The following CACNB2 variants were observed in gnomAD, a reference collection of about 807,000 sequenced individuals.
CACNB2 encodes calcium voltage-gated channel auxiliary subunit beta 2.
Under a neutral mutation model 73.3 loss-of-function variants are expected in CACNB2, and 42 were observed. That is an observed-to-expected ratio of 0.57 (90% CI 0.45 to 0.74). The LOEUF (loss-of-function observed/expected upper bound fraction) is 0.74, where lower values mean the gene tolerates loss of function less well. Ranked by LOEUF, CACNB2 falls within the 30% of genes least tolerant of loss-of-function variation. The pLI, the probability that CACNB2 is intolerant of heterozygous loss-of-function variation, is 0.00. For synonymous variants in CACNB2, 348 were observed against 310.3 expected (o/e 1.12, Z -1.28); for missense variants, 940 against 853.0 (o/e 1.10, Z -1.27).
intron 2 of CACNB2, among the ~76,000 whole-genome samples, chr10:18,182,433 A>C (rs1361434994): frequency 2.6e-5 from 4 of 152,096 alleles, no homozygotes; most frequent in Non-Finnish European, 4.4e-5. Context: ...ATAATAATTC[A>C]TTATGTTGCA....
chr10:18,420,925 T>A (rs2045284641), intron 3 of CACNB2, among the ~76,000 whole-genome samples: 1 of 152,212 alleles, frequency 6.6e-6, no homozygotes. Context: ...AATAATACTT[T>A]AAATTTTTTC....
chr10:18,322,768 A>G (rs1366608526), intron 2 of CACNB2, among the ~76,000 whole-genome samples: 1 of 152,140 alleles, frequency 6.6e-6, no homozygotes, highest in Non-Finnish European at 1.5e-5. Flanking sequence ...ACAGCTGGCT[A>G]AGTCATTTAC....
intron 3 of CACNB2, among the ~76,000 whole-genome samples, chr10:18,468,644 G>T (rs988498933): frequency 1.3e-5 from 2 of 152,076 alleles, no homozygotes; most frequent in African/African-American, 4.8e-5. Context: ...CTGTTACCCA[G>T]GCTAGAGGGT....
At chr10:18,404,045 A>T (rs2044152367) in intron 3 of CACNB2, among the ~76,000 whole-genome samples, 1 of 152,326 alleles carries the variant, frequency 6.6e-6, no homozygotes, top group East Asian at 1.9e-4. Context: ...TCTCCAGGGT[A>T]TGCTTATTTC....
At chr10:18,462,622 C>G (rs2047643097) in intron 3 of CACNB2, among the ~76,000 whole-genome samples, 1 of 152,142 alleles carries the variant, frequency 6.6e-6, no homozygotes, top group African/African-American at 2.4e-5. Context: ...ACTTTTATAC[C>G]TTTCCCTGTC....
At chr10:18,410,020 C>T (rs1472740872) in intron 3 of CACNB2, among the ~76,000 whole-genome samples, 2 of 152,096 alleles carry the variant, frequency 1.3e-5, no homozygotes, top group Non-Finnish European at 2.9e-5. Flanking sequence ...TCTGATAAGT[C>T]CAATGTCCAG....
chr10:18,374,607 A>G lies in CACNB2; in HGVS notation c.214-27317A>G, dbSNP rs150599362. 1.8e-3 allele frequency among the ~76,000 whole-genome samples: 271 copies of G among 152,306 alleles called. 2 individuals carry two copies. Among genetic ancestry groups the G allele is most frequent in the African/African-American group, 5.7e-3 (239 of 41,570 alleles). ...ATTTAAAAGAAATTAGTCAAGGCTAAGGTGGTGTAATCTGAATAATCTTTT... is the reference window on the plus strand; with the variant it reads ...ATTTAAAAGAAATTAGTCAAGGCTAGGGTGGTGTAATCTGAATAATCTTTT... On this transcript the variant is annotated intron_variant, in intron 2 of 13. Transcript: ENST00000324631.
At chr10:18,261,417 C>T in intron 2 of CACNB2, 1 of 1,479,284 alleles carries the variant, frequency 6.8e-7, no homozygotes, top group Non-Finnish European at 9.2e-7. Flanking sequence ...ATTCCCTGTG[C>T]TGAACCAACC....
chr10:18,393,986 G>A (rs2043600239), intron 2 of CACNB2, among the ~76,000 whole-genome samples: 1 of 152,140 alleles, frequency 6.6e-6, no homozygotes, highest in Non-Finnish European at 1.5e-5. Context: ...CTGTTGCCAG[G>A]CTGAAGTTCA....
rs560020203 is a variant in CACNB2 at position 18,538,188 on chromosome 10, C to T, written c.1311C>T (p.Phe437=). The change falls in exon 13 of 14, where the codon TTC becomes TTT. Residue 437 remains phenylalanine (F), a synonymous_variant. Transcript: ENST00000324631. ...AATGTCTGCCTCTGCAGGAGCTGTT[C>T]GATGTGATCTTGGATGAGAACCAGC... ...DKLAQCPPEL[F]DVILDENQLE... 38 of 1,613,984 alleles carry T rather than the reference C, an allele frequency of 2.4e-5. No homozygotes were observed. The highest frequency in any genetic ancestry group is 1.4e-4 in the South Asian group (13 of 91,058).
intron 2 of CACNB2, among the ~76,000 whole-genome samples, chr10:18,246,311 A>G (rs908715180): frequency 1.3e-5 from 2 of 152,158 alleles, no homozygotes; most frequent in Non-Finnish European, 2.9e-5. Context: ...AGCACTCTAT[A>G]AATGTTTAAC....
intron 3 of CACNB2, among the ~76,000 whole-genome samples, chr10:18,422,790 C>A (rs1038922438): frequency 6.6e-6 from 1 of 152,144 alleles, no homozygotes; most frequent in Non-Finnish European, 1.5e-5. Flanking sequence ...CCTCCACCTC[C>A]CACGTTCAAG....
chr10:18,171,166 G>A (rs1378730319), intron 2 of CACNB2, among the ~76,000 whole-genome samples: 3 of 152,148 alleles, frequency 2.0e-5, no homozygotes. Flanking sequence ...GATCTGTTAA[G>A]GACATTCAGT....
chr10:18,502,173 G>A (rs930344166), intron 5 of CACNB2, among the ~76,000 whole-genome samples: 1 of 152,132 alleles, frequency 6.6e-6, no homozygotes, highest in Non-Finnish European at 1.5e-5. Flanking sequence ...TGGGCATGGT[G>A]GCGGGAGCCT....
At chr10:18,358,065 C>T (rs895338557) in intron 2 of CACNB2, among the ~76,000 whole-genome samples, 2 of 152,106 alleles carry the variant, frequency 1.3e-5, no homozygotes, top group African/African-American at 4.8e-5. Context: ...TACGCAGAAA[C>T]AGGAAAACAC....
chr10:18,271,143 A>G (rs2038038078), intron 2 of CACNB2, among the ~76,000 whole-genome samples: 1 of 152,234 alleles, frequency 6.6e-6, no homozygotes, highest in Non-Finnish European at 1.5e-5. Context: ...TCTCATCAAT[A>G]TGCAGAAAGT....
chr10:18,151,187 A>G (rs529695802), intron 2 of CACNB2: 3 of 508,604 alleles, frequency 5.9e-6, no homozygotes, highest in Admixed American at 7.1e-5. Context: ...CAAGTTGAGG[A>G]AAGAGAAGTG....
intron 2 of CACNB2, among the ~76,000 whole-genome samples, chr10:18,362,330 G>C (rs1007381513): frequency 3.3e-5 from 5 of 152,140 alleles, no homozygotes; most frequent in Admixed American, 1.3e-4. Context: ...GCTATTAAGG[G>C]TTTTCTAAAG....
intron 3 of CACNB2, among the ~76,000 whole-genome samples, chr10:18,450,576 G>C (rs999548889): frequency 6.6e-6 from 1 of 151,652 alleles, no homozygotes; most frequent in Non-Finnish European, 1.5e-5. Flanking sequence ...ACGGGAGAGG[G>C]AGCAAAATAG....
Sources: allele counts gnomAD v4.1 joint callset (sites outside exome capture counted in the v4.1 genomes callset), GRCh38; gene constraint gnomAD v4.1.1; transcripts MANE v1.5; gene names NCBI Gene and HGNC (gene_info 2026-07-23, HGNC 2026-07-21).